The following SEMA6D variants were observed in gnomAD, a reference collection of about 807,000 sequenced individuals.
The protein encoded by SEMA6D is semaphorin 6D.
Under a neutral mutation model 106.6 loss-of-function variants are expected in SEMA6D, and 35 were observed. The observed-to-expected ratio is 0.33, with a 90% CI of 0.25 to 0.44. The LOEUF (loss-of-function observed/expected upper bound fraction) is 0.44. Among genes scored for constraint, SEMA6D ranks in the 20% least tolerant of loss-of-function variants. The pLI is 1.00. For synonymous variants in SEMA6D, 499 were observed against 487.7 expected, an observed-to-expected ratio of 1.02 and a Z score of -0.31; for missense variants, 1,185 against 1,345.9, an observed-to-expected ratio of 0.88 and a Z score of 1.87.
chr15:47,452,976 A>T (rs978157112), intron 2 of SEMA6D, among the ~76,000 whole-genome samples: 9 of 151,948 alleles, frequency 5.9e-5, no homozygotes, highest in Admixed American at 1.3e-4. Context: ...GTTTTAGTTG[A>T]TTGTTTTATG....
intron 4 of SEMA6D, among the ~76,000 whole-genome samples, chr15:47,673,774 A>G (rs2078184788): frequency 6.6e-6 from 1 of 152,124 alleles, no homozygotes; most frequent in African/African-American, 2.4e-5. Flanking sequence ...AAGTTTGCAA[A>G]CTAGCCTGAT....
chr15:47,432,630 T>G (rs1238226369), intron 2 of SEMA6D, among the ~76,000 whole-genome samples: 1 of 151,928 alleles, frequency 6.6e-6, no homozygotes, highest in African/African-American at 2.4e-5. Context: ...TAGTAAGTAC[T>G]CAGCCCAAAA....
In SEMA6D at chr15:47,731,253, G is replaced by A. The variant is rs1306698279; in HGVS notation, c.-55+13561G>A. ...GCACCTCATTCAGCTCTCAGGGGTCGATGCCTTACCTTTGCACAATTTCCC... is the reference window on the plus strand; with the variant it reads ...GCACCTCATTCAGCTCTCAGGGGTCAATGCCTTACCTTTGCACAATTTCCC... On this transcript the variant is annotated intron_variant, in intron 1 of 18. Transcript: ENST00000536845. 2.0e-5 allele frequency among the ~76,000 whole-genome samples: 3 copies of A among 151,938 alleles called. 1 individual carries two copies. The highest frequency in any genetic ancestry group is 2.9e-5 in the Non-Finnish European group (2 of 67,992).
chr15:47,190,958 C>T (rs568531388), intron 1 of SEMA6D, among the ~76,000 whole-genome samples: 1 of 152,082 alleles, frequency 6.6e-6, no homozygotes, highest in African/African-American at 2.4e-5. Context: ...CTGTTTGAGC[C>T]CAGGAGTTCC....
In SEMA6D at chr15:47,771,343, C is replaced by T. The variant is rs1234904012; in HGVS notation, c.2780C>T (p.Ala927Val). ...CCACCTAAAGTCCCTAACCGGGAGG[C>T]ATCGCTATACTCCCCTCCTTCAACT... ...EVPPKVPNRE[A>V]SLYSPPSTLP... The change falls in exon 19 of 19, where the codon GCA (alanine) becomes GTA (valine). Residue 927 changes from alanine (A) to valine (V), a missense_variant. Around this residue, in one of 3 missense-constraint regions of SEMA6D, gnomAD observed 750 missense variants for 783.5 expected, o/e 0.96. Coordinates refer to ENST00000536845, the MANE Select transcript of SEMA6D (RefSeq NM_001358351.3). 6.2e-7 allele frequency: 1 copy of T among 1,613,966 alleles called. No homozygotes were observed. Among genetic ancestry groups the T allele is most frequent in the South Asian group, 1.1e-5 (1 of 91,066 alleles).
In SEMA6D at chr15:47,254,110, A is replaced by G. The variant is rs151090993; in HGVS notation, c.-239+69692A>G. On this transcript the variant is annotated intron_variant, in intron 1 of 19. Transcript: ENST00000558014. ...TTGCTAGGTGTTTTTTTTTGTAGCT[A>G]TTGGAATTACTTTTATTTCTTTTTA... Among the ~76,000 whole-genome samples, 238 of 150,978 alleles carry G rather than the reference A, an allele frequency of 1.6e-3. 1 individual carries two copies. The highest frequency in any genetic ancestry group is 5.7e-3 in the African/African-American group (233 of 41,220).
intron 3 of SEMA6D, among the ~76,000 whole-genome samples, chr15:47,478,713 A>G (rs1253766502): frequency 1.3e-5 from 2 of 152,174 alleles, no homozygotes; most frequent in African/African-American, 4.8e-5. Context: ...AATAATGAAC[A>G]CAGAAGCCTT....
chr15:47,460,223 A>T (rs149978701), intron 2 of SEMA6D, among the ~76,000 whole-genome samples: 1 of 152,214 alleles, frequency 6.6e-6, no homozygotes, highest in Non-Finnish European at 1.5e-5. Flanking sequence ...TCTAATTTTT[A>T]TGCCCAGGGA....
chr15:47,578,445 C>T (rs116705181), intron 3 of SEMA6D, among the ~76,000 whole-genome samples: 197 of 152,290 alleles, frequency 1.3e-3, no homozygotes, highest in African/African-American at 4.0e-3. Context: ...CACACATTGA[C>T]TAAACTCTAA....
intron 4 of SEMA6D, among the ~76,000 whole-genome samples, chr15:47,681,108 G>A (rs938689748): frequency 2.0e-5 from 3 of 152,098 alleles, no homozygotes; most frequent in Non-Finnish European, 2.9e-5. Flanking sequence ...AATTGAAATC[G>A]GTATGTCAAA....
chr15:47,320,022 C>T (rs2143614479), intron 1 of SEMA6D, among the ~76,000 whole-genome samples: 1 of 152,228 alleles, frequency 6.6e-6, no homozygotes, highest in East Asian at 1.9e-4. Context: ...GTCTTGAAGT[C>T]AGTGCTTTGT....
chr15:47,287,623 G>A (rs191324397), intron 1 of SEMA6D, among the ~76,000 whole-genome samples: 52 of 152,234 alleles, frequency 3.4e-4, no homozygotes, highest in African/African-American at 1.2e-3. Context: ...CACCTAAATT[G>A]TTCCACATCC....
chr15:47,772,357 C>CGTGTGTGTGTGTGTGT lies in SEMA6D; in HGVS notation c.*591_*606dup, dbSNP rs71432251. ...CACCAACAAACTTGTTGTGTGTGTG[C>CGTGTGTGTGTGTGTGT]GTGTGTGTGTGTGTGTGTGTGTGTG... On this transcript the variant is annotated 3_prime_UTR_variant, in exon 19 of 19. Transcript: ENST00000536845. 2,939 of 141,606 alleles carry CGTGTGTGTGTGTGTGT rather than the reference C, an allele frequency of 0.021. 86 individuals are homozygous for CGTGTGTGTGTGTGTGT. Among genetic ancestry groups the CGTGTGTGTGTGTGTGT allele is most frequent in the African/African-American group, 0.045 (1,663 of 37,102 alleles). 8.8% of individuals were successfully genotyped at this position (141,606 alleles called of 1,614,324 possible).
chr15:47,273,945 C>T (rs1294149724), intron 1 of SEMA6D, among the ~76,000 whole-genome samples: 1 of 152,124 alleles, frequency 6.6e-6, no homozygotes, highest in African/African-American at 2.4e-5. Context: ...TTTTTTCTCA[C>T]AGTCAGAACA....
At chr15:47,315,990 T>G (rs1376993596) in intron 1 of SEMA6D, among the ~76,000 whole-genome samples, 1 of 151,008 alleles carries the variant, frequency 6.6e-6, no homozygotes, top group Non-Finnish European at 1.5e-5. Flanking sequence ...TTCGAGAGGG[T>G]TTTTTTTTGT....
intron 3 of SEMA6D, among the ~76,000 whole-genome samples, chr15:47,538,394 C>T (rs2045244280): frequency 6.6e-6 from 1 of 152,150 alleles, no homozygotes; most frequent in African/African-American, 2.4e-5. Context: ...ACTTCAGTTC[C>T]CACAGGACCC....
chr15:47,280,220 A>G (rs1006404039), intron 1 of SEMA6D, among the ~76,000 whole-genome samples: 5 of 152,118 alleles, frequency 3.3e-5, no homozygotes, highest in African/African-American at 1.2e-4. Context: ...TTATTGGTCT[A>G]TTCAGAGATT....
intron 1 of SEMA6D, among the ~76,000 whole-genome samples, chr15:47,311,956 C>T (rs893046447): frequency 2.0e-5 from 3 of 152,116 alleles, no homozygotes; most frequent in Non-Finnish European, 4.4e-5. Context: ...TTCCAGTTTG[C>T]CATCTTCAGC....
chr15:47,502,306 G>A (rs12440266), intron 3 of SEMA6D, among the ~76,000 whole-genome samples: 15,675 of 152,184 alleles, frequency 0.1, 1,115 homozygotes, highest in East Asian at 0.32. Flanking sequence ...CCTTTGACCC[G>A]TGTCATTGAC....
Sources: gnomAD v4.1 joint callset for allele counts (sites outside exome capture counted in the v4.1 genomes callset) on GRCh38, gnomAD v4.1.1 for gene constraint, gnomAD v4.1.1 regional missense constraint, MANE v1.5 for transcripts, NCBI Gene and HGNC (gene_info 2026-07-23, HGNC 2026-07-21) for gene names.